Variants in DACH2 observed in about 807,000 individuals in gnomAD.
DACH2 encodes the protein dachshund family transcription factor 2.
Under a neutral mutation model 35.8 loss-of-function variants are expected in DACH2, and 17 were observed. The ratio of observed to expected loss-of-function variants is 0.48; its 90% CI spans 0.33 to 0.71. The LOEUF (loss-of-function observed/expected upper bound fraction) is 0.71, where lower values mean the gene tolerates loss of function less well. DACH2 is among the 30% of genes least tolerant of loss of function. The pLI is 0.02. For synonymous variants in DACH2, 195 were observed against 177.3 expected (o/e 1.10, Z -0.79); for missense variants, 469 against 472.7 (o/e 0.99, Z 0.07).
intron 7 of DACH2, among the ~76,000 whole-genome samples, chrX:86,764,542 T>C (rs777631708): frequency 3.6e-5 from 4 of 112,006 alleles, no homozygotes; most frequent in Non-Finnish European, 7.5e-5. Context: ...ATCCATGTTG[T>C]TGCAAAGGAC....
intron 2 of DACH2, among the ~76,000 whole-genome samples, chrX:86,421,601 A>G (rs2036804333): frequency 8.9e-6 from 1 of 111,774 alleles, no homozygotes. Context: ...AAATGAAGTT[A>G]TTATTTTAAA....
chrX:86,775,942 A>G (rs1281728308), intron 7 of DACH2, among the ~76,000 whole-genome samples: 1 of 111,591 alleles, frequency 9.0e-6, no homozygotes, highest in African/African-American at 3.3e-5. Flanking sequence ...AGATGATAAA[A>G]CTGTGGCATA....
intron 2 of DACH2, among the ~76,000 whole-genome samples, chrX:86,450,600 G>T (rs771085347): frequency 9.0e-6 from 1 of 110,989 alleles, no homozygotes; most frequent in Non-Finnish European, 1.9e-5. Flanking sequence ...TAATGGAGTT[G>T]CTGGGTCAAA....
chrX:86,231,091 C>T (rs2032938598), intron 1 of DACH2, among the ~76,000 whole-genome samples: 1 of 111,854 alleles, frequency 8.9e-6, no homozygotes, highest in South Asian at 3.7e-4. Flanking sequence ...TCTGTTTGTC[C>T]TGTTTCAGAC....
At chrX:86,286,550 T>C (rs1342595027) in intron 1 of DACH2, among the ~76,000 whole-genome samples, 1 of 111,560 alleles carries the variant, frequency 9.0e-6, no homozygotes, top group African/African-American at 3.3e-5. Context: ...CCTTCCTGTG[T>C]TCCTTTTAGA....
intron 2 of DACH2, among the ~76,000 whole-genome samples, chrX:86,404,550 C>T (rs1379458179): frequency 8.9e-6 from 1 of 112,421 alleles, no homozygotes; most frequent in East Asian, 2.8e-4. Flanking sequence ...GAGGTGGGCT[C>T]CCATGGACTT....
intron 1 of DACH2, among the ~76,000 whole-genome samples, chrX:86,329,566 T>C (rs1047942712): frequency 9.0e-6 from 1 of 110,743 alleles, no homozygotes; most frequent in Non-Finnish European, 1.9e-5. Context: ...AATAAATTTT[T>C]TTTTTCTTAC....
chrX:86,816,714 TA>T (rs1423397248), intron 11 of DACH2, among the ~76,000 whole-genome samples: 20 of 111,912 alleles, frequency 1.8e-4, no homozygotes, highest in Non-Finnish European at 3.6e-4. Flanking sequence ...AACAAATCAA[TA>T]TAGAGTCTCA....
intron 4 of DACH2, among the ~76,000 whole-genome samples, chrX:86,693,152 T>C (rs1362579365): frequency 1.8e-5 from 2 of 112,286 alleles, no homozygotes; most frequent in African/African-American, 6.5e-5. Flanking sequence ...TCAATGAACA[T>C]AGCAGACCTC....
intron 3 of DACH2, among the ~76,000 whole-genome samples, chrX:86,631,409 A>G (rs950935766): frequency 5.3e-5 from 6 of 112,230 alleles, no homozygotes; most frequent in Non-Finnish European, 1.1e-4. Context: ...TCATACCACC[A>G]GCTGTTTTAT....
chrX:86,759,177 CTG>C (rs1347344880), intron 7 of DACH2, among the ~76,000 whole-genome samples: 1 of 111,288 alleles, frequency 9.0e-6, no homozygotes, highest in Non-Finnish European at 1.9e-5. Context: ...TGTTCATTTT[CTG>C]TCTAGGTGAT....
intron 2 of DACH2, among the ~76,000 whole-genome samples, chrX:86,420,087 C>G (rs1165924360): frequency 1.8e-5 from 2 of 111,593 alleles, no homozygotes; most frequent in African/African-American, 6.5e-5. Flanking sequence ...AGTGAACATC[C>G]CTACTCATAC....
chrX:86,625,236 G>A (rs1276058187), intron 3 of DACH2, among the ~76,000 whole-genome samples: 5 of 107,324 alleles, frequency 4.7e-5, no homozygotes, highest in Non-Finnish European at 9.6e-5. Flanking sequence ...GTGTGTGTGT[G>A]TGTGTGTGTG....
intron 1 of DACH2, among the ~76,000 whole-genome samples, chrX:86,333,138 CT>C (rs1325095094): frequency 8.9e-6 from 1 of 111,998 alleles, no homozygotes; most frequent in African/African-American, 3.2e-5. Context: ...TGGATGTAGA[CT>C]TTTTATATTT....
chrX:86,413,269 T>C (rs954614470), intron 2 of DACH2, among the ~76,000 whole-genome samples: 2 of 112,007 alleles, frequency 1.8e-5, no homozygotes, highest in Non-Finnish European at 1.9e-5. Context: ...AGAAGTCTTT[T>C]TGAAGAGTTG....
At chrX:86,812,345 A>G (rs1460370368) in intron 7 of DACH2, among the ~76,000 whole-genome samples, 1 of 111,630 alleles carries the variant, frequency 9.0e-6, no homozygotes, top group Non-Finnish European at 1.9e-5. Context: ...TATAGGGGAA[A>G]TTAAGATGTT....
At chrX:86,253,705 C>A (rs917052450) in intron 1 of DACH2, among the ~76,000 whole-genome samples, 3 of 111,350 alleles carry the variant, frequency 2.7e-5, no homozygotes, top group Non-Finnish European at 3.8e-5. Flanking sequence ...TTGCCTTACC[C>A]TGTGTTTGCA....
intron 3 of DACH2, among the ~76,000 whole-genome samples, chrX:86,624,804 A>G (rs886316151): frequency 2.7e-5 from 3 of 111,604 alleles, no homozygotes; most frequent in African/African-American, 9.8e-5. Context: ...GAAATTCTCA[A>G]AGCTACAAAA....
intron 7 of DACH2, among the ~76,000 whole-genome samples, chrX:86,761,188 C>T (rs1392457662): frequency 9.0e-6 from 1 of 110,745 alleles, no homozygotes; most frequent in Non-Finnish European, 1.9e-5. Context: ...AATGCTCTCC[C>T]TCCCCTTTCC....
Sources: allele counts gnomAD v4.1 joint callset (sites outside exome capture counted in the v4.1 genomes callset), GRCh38; gene constraint gnomAD v4.1.1; transcripts MANE v1.5; gene names NCBI Gene and HGNC (gene_info 2026-07-23, HGNC 2026-07-21).